The following BCAR1 variants were observed in gnomAD, a reference collection of about 807,000 sequenced individuals.
BCAR1 encodes BCAR1 scaffold protein, Cas family member.
BCAR1 carries 30 observed loss-of-function variants against 67.6 expected under a neutral mutation model. The ratio of observed to expected loss-of-function variants is 0.44; its 90% CI spans 0.33 to 0.60. BCAR1 has a LOEUF of 0.60. Ranked by LOEUF, BCAR1 falls within the 20% of genes least tolerant of loss-of-function variation. The probability of loss-of-function intolerance (pLI) is 0.02; values close to 1 mark genes in which losing one functional copy is unlikely to be tolerated. For synonymous variants in BCAR1, 626 were observed against 556.7 expected, an observed-to-expected ratio of 1.12 and a Z score of -1.75; for missense variants, 1,313 against 1,222.3, an observed-to-expected ratio of 1.07 and a Z score of -1.11.
rs186774462 is a variant in BCAR1 at position 75,245,517 on chromosome 16, G to A, written c.13-2427C>T. 9.0e-3 allele frequency among the ~76,000 whole-genome samples: 1,378 copies of A among 152,346 alleles called. 25 individuals carry two copies. The highest frequency in any genetic ancestry group is 0.031 in the African/African-American group (1,279 of 41,582). On this transcript the variant is annotated intron_variant, in intron 1 of 6. Coordinates refer to ENST00000162330, the MANE Select transcript of BCAR1 (RefSeq NM_014567.5). ...GAGGCCGGGGGCTCTGTGGAGGGAA[G>A]GGCCCTGCAGGGAGGGAAAGCCCGG...
chr16:75,239,534 G>A (rs1017245551), intron 2 of BCAR1, among the ~76,000 whole-genome samples: 4 of 152,216 alleles, frequency 2.6e-5, no homozygotes, highest in Non-Finnish European at 5.9e-5. Context: ...GGGACAAAGT[G>A]GGCCCCCGCC....
Position 75,235,173 on chromosome 16 carries a change from G to C in BCAR1, c.1726C>G (p.Leu576Val). The C allele has an allele frequency of 6.2e-7, 1 of 1,608,710 alleles. No homozygotes were observed. The highest frequency in any genetic ancestry group is 8.5e-7 in the Non-Finnish European group (1 of 1,179,696). ...CGCGAGCAGGCCACCAGCCGGTCCAGGTCCTCAAGGGTGGCTCCAGAGCCT... is the reference window on the plus strand; with the variant it reads ...CGCGAGCAGGCCACCAGCCGGTCCACGTCCTCAAGGGTGGCTCCAGAGCCT... ...RGGSGATLED[L>V]DRLVACSRAV... The change falls in exon 5 of 7, where the codon CTG becomes GTG. Residue 576 changes from leucine to valine, a missense_variant. Coordinates refer to ENST00000162330, the MANE Select transcript of BCAR1 (RefSeq NM_014567.5).
chr16:75,258,073 A>G (rs145188830), intron 1 of BCAR1, among the ~76,000 whole-genome samples: 72 of 152,262 alleles, frequency 4.7e-4, no homozygotes, highest in Middle Eastern at 3.4e-3. Flanking sequence ...GCGGCACCCT[A>G]GTGTCCCACT....
intron 1 of BCAR1, among the ~76,000 whole-genome samples, chr16:75,261,090 C>T (rs1189086759): frequency 6.6e-6 from 1 of 152,248 alleles, no homozygotes; most frequent in Non-Finnish European, 1.5e-5. Context: ...GTGACCATCT[C>T]ACCAGAGCAA....
At position 75,229,412 on chromosome 16, in the gene BCAR1, T is replaced by G. The variant is rs1357976292; in HGVS notation, c.*99A>C. ...CACCAGGACCGACGCAGAGCTGGGG[T>G]CCTGTCCCTAAGCCTGTGGCACAGC... is the stretch of plus-strand genomic sequence containing the variant. On this transcript the variant is annotated 3_prime_UTR_variant, in exon 7 of 7. Coordinates refer to ENST00000162330, the MANE Select transcript of BCAR1 (RefSeq NM_014567.5). 4 of 1,417,972 alleles carry G rather than the reference T, an allele frequency of 2.8e-6. No individual in the cohort carries two copies. In the East Asian group the frequency reaches 1.0e-4, roughly 36 times the overall value. 87.8% of individuals were successfully genotyped at this position (1,417,972 alleles called of 1,614,324 possible).
intron 2 of BCAR1, chr16:75,237,571 C>T (rs1015732816): frequency 7.4e-5 from 39 of 526,320 alleles, no homozygotes; most frequent in Non-Finnish European, 1.1e-4. Flanking sequence ...TCAGAGCTGC[C>T]TCGTCCTGGG....
intron 6 of BCAR1, among the ~76,000 whole-genome samples, chr16:75,231,417 A>T (rs527728186): frequency 6.6e-6 from 1 of 152,206 alleles, no homozygotes; most frequent in African/African-American, 2.4e-5. Context: ...TCATAGTTAT[A>T]TAATATCCCA....
At chr16:75,232,989 T>A (rs1188827810) in intron 6 of BCAR1, among the ~76,000 whole-genome samples, 3 of 152,240 alleles carry the variant, frequency 2.0e-5, no homozygotes, top group Admixed American at 6.5e-5. Flanking sequence ...CCTTAGTGTT[T>A]TTTTACATAC....
In BCAR1 at chr16:75,229,446, A is replaced by G; in HGVS notation, c.*65T>C. On this transcript the variant is annotated 3_prime_UTR_variant, in exon 7 of 7. Coordinates refer to ENST00000162330, the MANE Select transcript of BCAR1 (RefSeq NM_014567.5). ...TAAGCCTGTGGCACAGCGACTCTTG[A>G]CATGGGAGCCAGGGAGCTGGGACCG... 1 of 1,454,460 alleles carries G rather than the reference A, an allele frequency of 6.9e-7. No individual in the cohort carries two copies. 90.1% of individuals were successfully genotyped at this position (1,454,460 alleles called of 1,614,324 possible).
At chr16:75,262,989 T>G (rs1014389915) in intron 1 of BCAR1, among the ~76,000 whole-genome samples, 2 of 152,234 alleles carry the variant, frequency 1.3e-5, no homozygotes, top group Non-Finnish European at 1.5e-5. Context: ...TTTATGGCTT[T>G]GGATCCTGCC....
chr16:75,250,010 G>A (rs368232058), intron 1 of BCAR1: 13 of 152,428 alleles, frequency 8.5e-5, no homozygotes, highest in African/African-American at 2.9e-4. Flanking sequence ...CTGTCTCAGG[G>A]CCCCTCCTGT....
chr16:75,256,899 G>A (rs769864623), intron 1 of BCAR1, among the ~76,000 whole-genome samples: 1 of 152,160 alleles, frequency 6.6e-6, no homozygotes, highest in Admixed American at 6.5e-5. Flanking sequence ...CTGGACCAGC[G>A]GCACCCCTGT....
chr16:75,231,852 G>C (rs1463507421), intron 6 of BCAR1, among the ~76,000 whole-genome samples: 2 of 152,240 alleles, frequency 1.3e-5, no homozygotes, highest in Admixed American at 1.3e-4. Flanking sequence ...TCTAGACAGA[G>C]ATATAGACCT....
intron 1 of BCAR1, chr16:75,264,770 G>T (rs1420849132): frequency 1.4e-6 from 1 of 693,412 alleles, no homozygotes; most frequent in Non-Finnish European, 1.9e-6. Flanking sequence ...TCACGGAAAG[G>T]ATGGGGTCCT....
chr16:75,267,877 C>T, intron 1 of BCAR1: 1 of 1,570,478 alleles, frequency 6.4e-7, no homozygotes, highest in Non-Finnish European at 8.6e-7. Context: ...CAGCCCTTAG[C>T]AGGGAGAGAG....
Position 75,242,635 on chromosome 16 carries a change from C to T in BCAR1, c.468G>A (p.Pro156=), listed in dbSNP as rs753291239. The change falls in exon 2 of 7, where the codon CCG becomes CCA. Residue 156 remains proline (P), a synonymous_variant. Coordinates refer to ENST00000162330, the MANE Select transcript of BCAR1 (RefSeq NM_014567.5). The part of the protein sequence containing the change: ...STFSKQTPHH[P]FPSPATDLYQ... ...ACAGGTCTGTGGCCGGGCTGGGAAACGGGTGATGGGGTGTCTGCTTCGAGA... is the reference window on the plus strand; with the variant it reads ...ACAGGTCTGTGGCCGGGCTGGGAAATGGGTGATGGGGTGTCTGCTTCGAGA... 6.3e-5 allele frequency: 96 copies of T among 1,513,846 alleles called. No individual in the cohort carries two copies. Among genetic ancestry groups the T allele is most frequent in the Non-Finnish European group, 7.6e-5 (86 of 1,131,588 alleles). The allele number at this position is 1,513,846 out of a possible 1,614,324, so 93.8% of individuals were successfully genotyped here.
chr16:75,248,233 A>G, intron 1 of BCAR1: 1 of 1,524,036 alleles, frequency 6.6e-7, no homozygotes, highest in Non-Finnish European at 8.7e-7. Context: ...GAAATGTCAC[A>G]GGCCTTTCCC....
At chr16:75,236,582 C>G in intron 4 of BCAR1, 1 of 472,024 alleles carries the variant, frequency 2.1e-6, no homozygotes, top group Non-Finnish European at 3.6e-6. Context: ...AATTACTAGT[C>G]CCCCCTTCAC....
Position 75,235,602 on chromosome 16 carries a change from C to T in BCAR1, c.1297G>A (p.Gly433Ser), listed in dbSNP as rs758461068. 1.3e-5 allele frequency: 20 copies of T among 1,592,886 alleles called. No homozygotes were observed. The highest frequency in any genetic ancestry group is 6.9e-5 in the Admixed American group (4 of 57,646). The part of the protein sequence containing the change: ...EGKRLSASST[G>S]STRSSQSASS... ...GCAGACTGGCTGCTGCGTGTGCTGC[C>T]GGTGCTGGAGGCCGACAGGCGCTTG... Residue 433 changes from glycine to serine, a missense_variant, in exon 5 of 7, where the codon GGC (glycine) becomes AGC (serine). Physicochemically the swap from Gly to Ser is moderately conservative, Grantham distance 56. This residue lies in a region of BCAR1 where 1,272 missense variants were observed against 1,137.5 expected (regional missense o/e 1.12). Transcript: ENST00000162330.
Sources: gnomAD v4.1 joint callset for allele counts (sites outside exome capture counted in the v4.1 genomes callset) on GRCh38, gnomAD v4.1.1 for gene constraint, gnomAD v4.1.1 regional missense constraint, MANE v1.5 for transcripts, NCBI Gene and HGNC (gene_info 2026-07-23, HGNC 2026-07-21) for gene names.